ZBTB7C: variants seen among roughly 807,000 people sequenced by gnomAD.
The protein encoded by ZBTB7C is zinc finger and BTB domain containing 7C.
A neutral mutation model predicts 25.7 loss-of-function variants in ZBTB7C; 8 were observed. The ratio of observed to expected loss-of-function variants is 0.31; its 90% CI spans 0.18 to 0.56. The LOEUF (loss-of-function observed/expected upper bound fraction) is 0.56, where lower values mean the gene tolerates loss of function less well. ZBTB7C is among the 20% of genes least tolerant of loss of function. The probability of loss-of-function intolerance (pLI) is 0.91; values close to 1 mark genes in which losing one functional copy is unlikely to be tolerated. For synonymous variants in ZBTB7C, 394 were observed against 369.0 expected (o/e 1.07, Z -0.78); for missense variants, 824 against 855.2 (o/e 0.96, Z 0.46).
At chr18:48,049,328 C>T (rs966897026) in intron 3 of ZBTB7C, among the ~76,000 whole-genome samples, 3 of 152,174 alleles carry the variant, frequency 2.0e-5, no homozygotes, top group Admixed American at 6.5e-5. Context: ...TTGCATGGAT[C>T]TCGCCGAGTG....
intron 2 of ZBTB7C, among the ~76,000 whole-genome samples, chr18:48,287,129 C>G (rs765853563): frequency 6.6e-6 from 1 of 151,984 alleles, no homozygotes; most frequent in South Asian, 2.1e-4. Context: ...CAGTAACAAA[C>G]GGTAACTAAG....
At chr18:48,096,557 C>T (rs374451135) in intron 3 of ZBTB7C, among the ~76,000 whole-genome samples, 5 of 152,096 alleles carry the variant, frequency 3.3e-5, no homozygotes, top group Admixed American at 6.6e-5. Context: ...GGCAGAGGGC[C>T]GGCTGGATAT....
chr18:48,189,004 A>AT (rs1294865378), intron 2 of ZBTB7C, among the ~76,000 whole-genome samples: 4 of 152,184 alleles, frequency 2.6e-5, no homozygotes, highest in Non-Finnish European at 5.9e-5. Flanking sequence ...GTCTCTTCTA[A>AT]TAAGTCCCTG....
intron 3 of ZBTB7C, among the ~76,000 whole-genome samples, chr18:48,160,646 C>A (rs1380339806): frequency 6.6e-6 from 1 of 152,150 alleles, no homozygotes; most frequent in East Asian, 1.9e-4. Flanking sequence ...TCAAAGAGCT[C>A]CAAGCTTGTA....
In ZBTB7C at chr18:48,040,704, TC is replaced by T. The variant is rs747456682; in HGVS notation, c.403del (p.Glu135ArgfsTer87). ...EIMEPGGDGG[E>X]EDDKEDDDDD... ...GTCATCGTCCTCCTTGTCATCCTCC[TC>T]CCCCCCGTCCCCCCCAGGCTCCATG... On this transcript the variant is annotated frameshift_variant, in exon 4 of 5. Transcript: ENST00000590800. LOFTEE classifies it high-confidence loss of function. The T allele has an allele frequency of 2.5e-6, 4 of 1,612,338 alleles. No individual in the cohort carries two copies. Among genetic ancestry groups the T allele is most frequent in the Non-Finnish European group, 3.4e-6 (4 of 1,179,314 alleles).
intron 2 of ZBTB7C, among the ~76,000 whole-genome samples, chr18:48,333,833 A>G (rs2046395398): frequency 6.6e-6 from 1 of 152,170 alleles, no homozygotes. Context: ...AGGCCCATTA[A>G]CCCAACCACA....
chr18:48,334,746 T>C (rs2046422270), intron 2 of ZBTB7C, among the ~76,000 whole-genome samples: 2 of 152,230 alleles, frequency 1.3e-5, no homozygotes, highest in Admixed American at 6.5e-5. Flanking sequence ...TATTTGAATT[T>C]TTCTTTCTGG....
At chr18:48,108,260 C>T (rs759975032) in intron 3 of ZBTB7C, among the ~76,000 whole-genome samples, 2 of 152,170 alleles carry the variant, frequency 1.3e-5, no homozygotes, top group Non-Finnish European at 2.9e-5. Flanking sequence ...TTGCCTGGTG[C>T]CCTCTCTTCT....
chr18:48,338,062 T>G (rs2046496746), intron 2 of ZBTB7C, 112 bp downstream of exon 2: 1 of 152,216 alleles, frequency 6.6e-6, no homozygotes, highest in African/African-American at 2.4e-5. Flanking sequence ...TAGTGTGCTT[T>G]GTTTGCATAG....
intron 3 of ZBTB7C, among the ~76,000 whole-genome samples, chr18:48,049,232 G>T (rs748183735): frequency 2.0e-5 from 3 of 152,202 alleles, no homozygotes; most frequent in Non-Finnish European, 4.4e-5. Flanking sequence ...TCTAGTCTTA[G>T]TTTTACTAGG....
intron 2 of ZBTB7C, among the ~76,000 whole-genome samples, chr18:48,244,048 C>T (rs189030813): frequency 8.4e-4 from 128 of 152,284 alleles, no homozygotes; most frequent in Non-Finnish European, 1.3e-3. Flanking sequence ...AGACTTAAAT[C>T]TAAGACTCAA....
intron 2 of ZBTB7C, among the ~76,000 whole-genome samples, chr18:48,225,891 C>T (rs536646312): frequency 4.6e-5 from 7 of 152,240 alleles, no homozygotes; most frequent in Admixed American, 4.6e-4. Flanking sequence ...TACAGGCAGA[C>T]ACCACCACGC....
chr18:48,064,607 G>T (rs559416081), intron 3 of ZBTB7C, among the ~76,000 whole-genome samples: 1 of 152,326 alleles, frequency 6.6e-6, no homozygotes, highest in East Asian at 1.9e-4. Context: ...GCTGGGCATG[G>T]TGGCATGCAC....
chr18:48,335,519 A>G (rs1355595744), intron 2 of ZBTB7C, among the ~76,000 whole-genome samples: 3 of 152,170 alleles, frequency 2.0e-5, no homozygotes, highest in African/African-American at 7.2e-5. Context: ...CATCTAGAAT[A>G]AGTGATTCAA....
chr18:48,078,765 TC>T (rs2037870244), intron 3 of ZBTB7C, among the ~76,000 whole-genome samples: 2 of 152,180 alleles, frequency 1.3e-5, no homozygotes, highest in African/African-American at 2.4e-5. Context: ...ATGGACTTTG[TC>T]CTCTTGATCC....
chr18:48,035,413 T>C (rs1380696486), intron 4 of ZBTB7C, among the ~76,000 whole-genome samples: 1 of 152,234 alleles, frequency 6.6e-6, no homozygotes, highest in African/African-American at 2.4e-5. Context: ...TGTGACAGGA[T>C]GCAGGGGCTC....
At chr18:48,202,832 G>A (rs1033708038) in intron 2 of ZBTB7C, among the ~76,000 whole-genome samples, 1 of 152,026 alleles carries the variant, frequency 6.6e-6, no homozygotes, top group African/African-American at 2.4e-5. Context: ...ATGTAGCCAG[G>A]AGTCCCATGG....
chr18:48,166,842 A>G (rs779455587), intron 3 of ZBTB7C, among the ~76,000 whole-genome samples: 1 of 152,112 alleles, frequency 6.6e-6, no homozygotes, highest in African/African-American at 2.4e-5. Context: ...AGCCTCTGGC[A>G]CCTATTGGGC....
At chr18:48,409,024 C>G (rs2048346751) in intron 1 of ZBTB7C, among the ~76,000 whole-genome samples, 1 of 150,488 alleles carries the variant, frequency 6.6e-6, no homozygotes, top group Non-Finnish European at 1.5e-5. Flanking sequence ...GCGCGGAGGG[C>G]GCCCCTGCTC....
Sources: gnomAD v4.1 joint callset for allele counts (sites outside exome capture counted in the v4.1 genomes callset) on GRCh38, gnomAD v4.1.1 for gene constraint, MANE v1.5 for transcripts, NCBI Gene and HGNC (gene_info 2026-07-23, HGNC 2026-07-21) for gene names.